Variants in KLRG1 observed in about 807,000 individuals in gnomAD.
KLRG1 encodes killer cell lectin-like receptor subfamily G member 1.
KLRG1 carries 16 observed loss-of-function variants against 21.8 expected under a neutral mutation model. That is an observed-to-expected ratio of 0.73 (90% CI 0.50 to 1.11). The LOEUF is 1.11. Among genes scored for constraint, KLRG1 ranks in the 50% most tolerant of loss-of-function variants. The probability of loss-of-function intolerance (pLI) is 0.00; values close to 1 mark genes in which losing one functional copy is unlikely to be tolerated. For missense variants in KLRG1, 173 were observed against 218.3 expected (o/e 0.79, Z 1.31); for synonymous variants, 69 against 75.9 (o/e 0.91, Z 0.47).
chr12:9,113,122 T>G, the KLRG1 span, among the ~76,000 whole-genome samples: 4 of 151,586 alleles, frequency 2.6e-5, no homozygotes, highest in Admixed American at 1.3e-4. Flanking sequence ...TTTTTTTCCT[T>G]TCTGGCTAAT....
chr12:9,156,665 T>C, the KLRG1 span, among the ~76,000 whole-genome samples: 1 of 152,232 alleles, frequency 6.6e-6, no homozygotes, highest in East Asian at 1.9e-4. Context: ...ATCTGCAGCA[T>C]TATGTCTATT....
At chr12:8,972,970 A>C (rs1434169974) in intron 1 of KLRG1, among the ~76,000 whole-genome samples, 2 of 151,830 alleles carry the variant, frequency 1.3e-5, no homozygotes, top group Admixed American at 1.3e-4. Context: ...GTGAAATCCT[A>C]TCTCTACTAA....
At chr12:9,032,443 T>G in the KLRG1 span, among the ~76,000 whole-genome samples, 1 of 152,232 alleles carries the variant, frequency 6.6e-6, no homozygotes, top group Non-Finnish European at 1.5e-5. Context: ...CTACAAGATG[T>G]CTTCGGTGAT....
the KLRG1 span, among the ~76,000 whole-genome samples, chr12:9,059,415 G>T: frequency 1.3e-5 from 2 of 152,038 alleles, no homozygotes; most frequent in African/African-American, 2.4e-5. Flanking sequence ...GACCAATGTT[G>T]CTTTGACATT....
At chr12:9,047,818 A>G in the KLRG1 span, among the ~76,000 whole-genome samples, 1 of 152,218 alleles carries the variant, frequency 6.6e-6, no homozygotes, top group Non-Finnish European at 1.5e-5. Flanking sequence ...CCAAGAAGTC[A>G]TAACAATCCT....
At chr12:9,200,978 G>A in the KLRG1 span, 1 of 1,614,074 alleles carries the variant, frequency 6.2e-7, no homozygotes, top group South Asian at 1.1e-5. Flanking sequence ...AATGGGCTCT[G>A]ATGAGAGGGG....
At chr12:9,197,839 T>C in the KLRG1 span, among the ~76,000 whole-genome samples, 7,784 of 75,050 alleles carry the variant, frequency 0.1, 649 homozygotes, top group East Asian at 0.21. Flanking sequence ...TTATACAATA[T>C]ATAATATATA....
chr12:9,001,243 T>G (rs147263703), intron 3 of KLRG1, among the ~76,000 whole-genome samples: 2 of 152,328 alleles, frequency 1.3e-5, no homozygotes, highest in African/African-American at 4.8e-5. Flanking sequence ...ATTGTAAATT[T>G]TTTTCAAATT....
chr12:9,138,097 G>C, the KLRG1 span, among the ~76,000 whole-genome samples: 1 of 151,954 alleles, frequency 6.6e-6, no homozygotes, highest in Non-Finnish European at 1.5e-5. Flanking sequence ...CCTTGCTCCT[G>C]TTCTTAAAGG....
upstream of KLRG1, chr12:8,987,345 C>T (rs1326622795): frequency 1.3e-5 from 2 of 152,096 alleles, no homozygotes; most frequent in African/African-American, 4.8e-5. Context: ...GAAGAGAGAC[C>T]AGAGCCCTCT....
chr12:9,093,713 G>C, the KLRG1 span: 1 of 514,650 alleles, frequency 1.9e-6, no homozygotes, highest in Non-Finnish European at 3.3e-6. Flanking sequence ...AGGAGAGGGC[G>C]CTTGGGTCAT....
chr12:9,166,317 T>G, the KLRG1 span: 1 of 971,854 alleles, frequency 1.0e-6, no homozygotes. Flanking sequence ...GTCCTAAAAG[T>G]CTTGTAGAAG....
chr12:9,152,819 C>T, the KLRG1 span: 2 of 1,613,898 alleles, frequency 1.2e-6, no homozygotes, highest in African/African-American at 2.7e-5. Context: ...GTTAGAACGT[C>T]TTACCTGATG....
chr12:9,089,296 C>G, the KLRG1 span: 4 of 1,374,666 alleles, frequency 2.9e-6, no homozygotes, highest in Non-Finnish European at 4.1e-6. Context: ...GACTGACCTT[C>G]AGAACATGTG....
chr12:9,095,172 A>G, the KLRG1 span: 1 of 669,740 alleles, frequency 1.5e-6, no homozygotes, highest in Non-Finnish European at 2.4e-6. Flanking sequence ...TTGACAAGCA[A>G]TCCAGTTAAC....
At chr12:8,999,403 T>G (rs1947239599) in intron 3 of KLRG1, among the ~76,000 whole-genome samples, 1 of 152,234 alleles carries the variant, frequency 6.6e-6, no homozygotes, top group Non-Finnish European at 1.5e-5. Flanking sequence ...TTATCATAAT[T>G]TGGAATTATA....
the KLRG1 span, among the ~76,000 whole-genome samples, chr12:9,143,400 G>A: frequency 2.6e-5 from 4 of 152,060 alleles, no homozygotes; most frequent in Admixed American, 2.6e-4. Flanking sequence ...CTGAGGGTTC[G>A]GACAGGCAAG....
chr12:9,042,834 A>G, the KLRG1 span, among the ~76,000 whole-genome samples: 1 of 152,202 alleles, frequency 6.6e-6, no homozygotes, highest in East Asian at 1.9e-4. Context: ...AGAAAAGGAA[A>G]GATAACTTAA....
intron 1 of KLRG1, among the ~76,000 whole-genome samples, chr12:8,951,815 C>T (rs1379695690): frequency 6.6e-6 from 1 of 152,130 alleles, no homozygotes; most frequent in Non-Finnish European, 1.5e-5. Flanking sequence ...CCTAGAGTGG[C>T]ATTGGGCTGG....
Sources: gnomAD v4.1 joint callset for allele counts (sites outside exome capture counted in the v4.1 genomes callset) on GRCh38, gnomAD v4.1.1 for gene constraint, MANE v1.5 for transcripts, NCBI Gene and HGNC (gene_info 2026-07-23, HGNC 2026-07-21) for gene names.